The following COL11A2 variants were observed in gnomAD, a reference collection of about 807,000 sequenced individuals.
COL11A2 encodes the protein collagen alpha-2(XI) chain.
Under a neutral mutation model 273.4 loss-of-function variants are expected in COL11A2, and 116 were observed. The ratio of observed to expected loss-of-function variants is 0.42; its 90% CI spans 0.36 to 0.49. COL11A2 has a LOEUF of 0.49. Among genes scored for constraint, COL11A2 ranks in the 20% least tolerant of loss-of-function variants. The pLI is 0.00. For missense variants in COL11A2, 1,866 were observed against 2,309.0 expected (o/e 0.81, Z 3.93); for synonymous variants, 782 against 864.2 (o/e 0.90, Z 1.67).
Position 33,180,324 on chromosome 6 carries a change from A to T in COL11A2, c.1293T>A (p.Pro431=), listed in dbSNP as rs1053040514. Residue 431 remains proline, a synonymous_variant, in exon 12 of 66, where the codon CCT becomes CCA. Transcript: ENST00000341947. Reference sequence around the variant, plus strand: ...CTGATCCAGGGAGCCCTGCTCGGCCAGGGGGGCCCTGGAGTGGGAAGAGAA... The same window carrying T: ...CTGATCCAGGGAGCCCTGCTCGGCCTGGGGGGCCCTGGAGTGGGAAGAGAA... The part of the protein sequence containing the change: ...PVGDPGERGP[P]GRAGLPGSDG... 4.3e-6 allele frequency: 7 copies of T among 1,612,582 alleles called. No individual in the cohort carries two copies. In the African/African-American group the frequency reaches 8.0e-5, roughly 18 times the overall value.
At chr6:33,175,984 G>A (rs773090185) in intron 29 of COL11A2, 32 bp downstream of exon 29, 58 of 1,612,152 alleles carry the variant, frequency 3.6e-5, no homozygotes, top group Admixed American at 1.0e-4. Context: ...AGTAGAACAC[G>A]GAATTGGGGC....
In COL11A2 at chr6:33,167,580, T is replaced by G. The variant is rs760749775; in HGVS notation, c.4015-47A>C. 2 of 1,602,536 alleles carry G rather than the reference T, an allele frequency of 1.2e-6. No homozygotes were observed. Among genetic ancestry groups the G allele is most frequent in the African/African-American group, 2.7e-5 (2 of 74,258 alleles). ...TGTCCTGAATGGCAGAGGAGTGGGG[T>G]GTGGGCAGGGGGCAGAGGGTCCAAG... On this transcript the variant is annotated intron_variant, in intron 55 of 65. Coordinates refer to ENST00000341947, the MANE Select transcript of COL11A2 (RefSeq NM_080680.3). The surrounding 1 kb of genome is among the most constrained non-coding windows in gnomAD (Gnocchi z 6.1).
In COL11A2 at chr6:33,185,018, A is replaced by C. The variant is rs756065958; in HGVS notation, c.913T>G (p.Ser305Ala). 1.3e-6 allele frequency: 2 copies of C among 1,550,918 alleles called. No homozygotes were observed. Among genetic ancestry groups the C allele is most frequent in the South Asian group, 2.4e-5 (2 of 84,014 alleles). Residue 305 changes from serine (S) to alanine (A), a missense_variant, in exon 7 of 66, where the codon TCG becomes GCG. Coordinates refer to ENST00000341947, the MANE Select transcript of COL11A2 (RefSeq NM_080680.3). ...TPGEEEEILESSLLPPLEEEQ... is the reference protein window; with the variant it reads ...TPGEEEEILEASLLPPLEEEQ... ...TCCTCAAGGGGTGGCAAGAGGCTCG[A>C]CTCCAGGATTTCTTCCTCTTCACCT...
At chr6:33,185,487 G>A (rs1412838687) in intron 6 of COL11A2, among the ~76,000 whole-genome samples, 2 of 152,086 alleles carry the variant, frequency 1.3e-5, no homozygotes, top group African/African-American at 4.8e-5. Context: ...GGAGGGGTCC[G>A]ATGCCCCCTA....
chr6:33,188,687 G>A (rs372299676), intron 3 of COL11A2, among the ~76,000 whole-genome samples, 163 bp from the exon 4 acceptor site: 8 of 152,314 alleles, frequency 5.3e-5, no homozygotes, highest in South Asian at 4.1e-4. Context: ...ACACCATGCC[G>A]TCACTTTCTT....
Position 33,166,612 on chromosome 6 carries a change from C to G in COL11A2, c.4339-46G>C, listed in dbSNP as rs200408948. On this transcript the variant is annotated intron_variant, in intron 59 of 65. Coordinates refer to ENST00000341947, the MANE Select transcript of COL11A2 (RefSeq NM_080680.3). The surrounding 1 kb of genome is among the most constrained non-coding windows in gnomAD (Gnocchi z 4.8). ...TTCAACTGGGTCCTCCTCCCACACC[C>G]TCCTGAGCACCTGCTCGCTTACCCA... is the stretch of plus-strand genomic sequence containing the variant. 1 of 1,612,598 alleles carries G rather than the reference C, an allele frequency of 6.2e-7. No homozygotes were observed. Among genetic ancestry groups the G allele is most frequent in the Non-Finnish European group, 8.5e-7 (1 of 1,179,130 alleles).
chr6:33,186,860 G>C, intron 4 of COL11A2, 42 bp from the exon 5 acceptor site: 1 of 1,612,106 alleles, frequency 6.2e-7, no homozygotes, highest in Non-Finnish European at 8.5e-7. Flanking sequence ...GATTCAGAGA[G>C]AGGCAGAGGG....
rs1769408664 is a variant in COL11A2 at position 33,167,865 on chromosome 6, T to C, written c.3961-13A>G. ...AGCCAGCAGGACCCTGCAGGTGGAGTGGGAAGGAAGAGCACATGAGGCCGT... is the reference window on the plus strand; with the variant it reads ...AGCCAGCAGGACCCTGCAGGTGGAGCGGGAAGGAAGAGCACATGAGGCCGT... On this transcript the variant is annotated splice_polypyrimidine_tract_variant and intron_variant, in intron 54 of 65. Coordinates refer to ENST00000341947, the MANE Select transcript of COL11A2 (RefSeq NM_080680.3). This position sits in a 1 kb window ranked among gnomAD's most constrained non-coding sequence, Gnocchi z 6.1. The C allele has an allele frequency of 1.2e-6, 2 of 1,612,440 alleles. No individual in the cohort carries two copies. Among genetic ancestry groups the C allele is most frequent in the Non-Finnish European group, 1.7e-6 (2 of 1,179,826 alleles).
rs762294668 is a variant in COL11A2, at chr6:33,176,214, G to T, written c.2214+45C>A. 1.2e-6 allele frequency: 2 copies of T among 1,608,840 alleles called. No homozygotes were observed. The highest frequency in any genetic ancestry group is 1.1e-5 in the South Asian group (1 of 90,788). ...TGGAGGGAAGGCAGTGAAGAGAGGAGATGGCAGGACTGAGGTGCTGGGAAG... is the reference window on the plus strand; with the variant it reads ...TGGAGGGAAGGCAGTGAAGAGAGGATATGGCAGGACTGAGGTGCTGGGAAG... On this transcript the variant is annotated intron_variant, in intron 28 of 65. Transcript: ENST00000341947. This position sits in a 1 kb window ranked among gnomAD's most constrained non-coding sequence, Gnocchi z 4.9.
rs1045262299 is a variant in COL11A2 at position 33,178,876 on chromosome 6, G to A, written c.1665+44C>T. 4 of 1,611,856 alleles carry A rather than the reference G, an allele frequency of 2.5e-6. No homozygotes were observed. The highest frequency in any genetic ancestry group is 3.4e-6 in the Non-Finnish European group (4 of 1,178,442). ...CCCAAGAAACAACTGAGCCCAGCGT[G>A]GGCTGAAGGCTACAGGCTTCAGGGA... On this transcript the variant is annotated intron_variant, in intron 17 of 65. Transcript: ENST00000341947. The surrounding 1 kb of genome is among the most constrained non-coding windows in gnomAD (Gnocchi z 4.6).
At position 33,175,669 on chromosome 6, in the gene COL11A2, C is replaced by T; in HGVS notation, c.2281G>A (p.Val761Ile). The T allele has an allele frequency of 6.2e-7, 1 of 1,612,956 alleles. No individual in the cohort carries two copies. The highest frequency in any genetic ancestry group is 1.1e-5 in the South Asian group (1 of 91,082). The stretch of plus-strand genomic sequence containing the variant: ...CCATCCTCTCCCCTGGAACCAGGGA[C>T]TCCAACTTCGCCCTGTGTGAGAGGG... ...GVKGDRGEVGVPGSRGEDGPE... is the reference protein window; with the variant it reads ...GVKGDRGEVGIPGSRGEDGPE... Residue 761 changes from valine to isoleucine, a missense_variant, in exon 30 of 66, where the codon GTC becomes ATC. Physicochemically the swap from Val to Ile is conservative, Grantham distance 29. Coordinates refer to ENST00000341947, the MANE Select transcript of COL11A2 (RefSeq NM_080680.3).
chr6:33,189,058 G>A lies in COL11A2; in HGVS notation c.363C>T (p.Arg121=). 2 of 1,614,186 alleles carry A rather than the reference G, an allele frequency of 1.2e-6. No homozygotes were observed. The highest frequency in any genetic ancestry group is 8.5e-7 in the Non-Finnish European group (1 of 1,180,030). The change falls in exon 3 of 66, where the codon CGC becomes CGT. Residue 121 remains arginine, a synonymous_variant. Coordinates refer to ENST00000341947, the MANE Select transcript of COL11A2 (RefSeq NM_080680.3). The surrounding 1 kb of genome is among the most constrained non-coding windows in gnomAD (Gnocchi z 5.6). ...QLGLELGRPV[R]FLYEDQTGRP... ...GCCCAGTCTGGTCTTCATACAGGAA[G>A]CGGACAGGTCGGCCCAGCTCCAGGC...
At chr6:33,174,356 C>G (rs770711112) in intron 31 of COL11A2, 138 bp from the exon 32 acceptor site, 181 of 1,397,764 alleles carry the variant, frequency 1.3e-4, no homozygotes, top group Non-Finnish European at 1.7e-4. Context: ...TGGCCTTGGA[C>G]AAACCCCTGC....
In COL11A2 at chr6:33,173,831, G is replaced by C. The variant is rs771995301; in HGVS notation, c.2583+42C>G. The C allele has an allele frequency of 3.7e-6, 6 of 1,612,840 alleles. No individual in the cohort carries two copies. Among genetic ancestry groups the C allele is most frequent in the African/African-American group, 2.7e-5 (2 of 74,864 alleles). On this transcript the variant is annotated intron_variant, in intron 34 of 65. Transcript: ENST00000341947. The surrounding 1 kb of genome is among the most constrained non-coding windows in gnomAD (Gnocchi z 6.3). Reference sequence around the variant, plus strand: ...AGGATGTTGAGGGAGAGCTGGGGCTGAGTGGGCAGGGGGCAGTTGGAGCCT... The same window carrying C: ...AGGATGTTGAGGGAGAGCTGGGGCTCAGTGGGCAGGGGGCAGTTGGAGCCT...
chr6:33,169,953 C>T lies in COL11A2; in HGVS notation c.3637-69G>A, dbSNP rs1769790616. ...CAAAAAATTCTGATATTCCCCACAT[C>T]TCATTCTCTTTTGTCTCCCCACCCA... On this transcript the variant is annotated intron_variant, in intron 49 of 65. Transcript: ENST00000341947. This position sits in a 1 kb window ranked among gnomAD's most constrained non-coding sequence, Gnocchi z 5.5. The T allele has an allele frequency of 4.3e-6, 7 of 1,612,612 alleles. No individual in the cohort carries two copies. In the South Asian group the frequency reaches 5.5e-5, roughly 13 times the overall value.
chr6:33,169,944 T>A lies in COL11A2; in HGVS notation c.3637-60A>T. On this transcript the variant is annotated intron_variant, in intron 49 of 65. Coordinates refer to ENST00000341947, the MANE Select transcript of COL11A2 (RefSeq NM_080680.3). This position sits in a 1 kb window ranked among gnomAD's most constrained non-coding sequence, Gnocchi z 5.5. ...TTCCCCAGCCAAAAAATTCTGATAT[T>A]CCCCACATCTCATTCTCTTTTGTCT... 2 of 1,613,066 alleles carry A rather than the reference T, an allele frequency of 1.2e-6. No individual in the cohort carries two copies. Among genetic ancestry groups the A allele is most frequent in the South Asian group, 2.2e-5 (2 of 91,044 alleles).
Position 33,171,517 on chromosome 6 carries a change from G to GC in COL11A2, c.3207dup (p.Leu1070AlafsTer19). On this transcript the variant is annotated frameshift_variant, in exon 43 of 66. Coordinates refer to ENST00000341947, the MANE Select transcript of COL11A2 (RefSeq NM_080680.3). LOFTEE classifies it high-confidence loss of function. ...CCTGGAGGCCCAGCAGGACCAGGAAGCCCCACAGGACCCTGCACTCCATCT... is the reference window on the plus strand; with the variant it reads ...CCTGGAGGCCCAGCAGGACCAGGAAGCCCCCACAGGACCCTGCACTCCATCT... 6.2e-7 allele frequency: 1 copy of GC among 1,614,110 alleles called. No homozygotes were observed. Among genetic ancestry groups the GC allele is most frequent in the Non-Finnish European group, 8.5e-7 (1 of 1,179,994 alleles).
chr6:33,177,778 A>G lies in COL11A2; in HGVS notation c.1873-72T>C. The G allele has an allele frequency of 6.5e-7, 1 of 1,550,012 alleles. No homozygotes were observed. Among genetic ancestry groups the G allele is most frequent in the East Asian group, 2.3e-5 (1 of 44,216 alleles). ...ACCTGTGGTTTTCAGAGGCCCGGCC[A>G]TTCCCGAGGGTGTGACGGTCAGACC... On this transcript the variant is annotated intron_variant, in intron 21 of 65. Coordinates refer to ENST00000341947, the MANE Select transcript of COL11A2 (RefSeq NM_080680.3). This position sits in a 1 kb window ranked among gnomAD's most constrained non-coding sequence, Gnocchi z 5.9.
In COL11A2 at chr6:33,167,821, C is replaced by G. The variant is rs146082418; in HGVS notation, c.3992G>C (p.Arg1331Pro). The change falls in exon 55 of 66, where the codon CGA becomes CCA. Residue 1331 changes from arginine (R) to proline (P), a missense_variant. By Grantham distance (103) the Arg-to-Pro change is moderately radical. Transcript: ENST00000341947. This position sits in a 1 kb window ranked among gnomAD's most constrained non-coding sequence, Gnocchi z 6.1. ...CACCTTGGCTCCCTTCCCTCCTTGT[C>G]GCCCCTCGGAACCAGGCGAGCCAGC... ...GPAGSPGSEG[R>P]QGGKGAKGDP... The G allele has an allele frequency of 3.1e-6, 5 of 1,612,688 alleles. No homozygotes were observed. The highest frequency in any genetic ancestry group is 4.2e-6 in the Non-Finnish European group (5 of 1,179,930).
Sources: gnomAD v4.1 joint callset for allele counts (sites outside exome capture counted in the v4.1 genomes callset) on GRCh38, gnomAD v4.1.1 for gene constraint, Gnocchi (gnomAD v3.1) non-coding constraint, MANE v1.5 for transcripts, NCBI Gene and HGNC (gene_info 2026-07-23, HGNC 2026-07-21) for gene names.